Variants in LINC00632 observed in about 807,000 individuals in gnomAD.
The protein encoded by LINC00632 is long independently transcribed non-coding RNA 632.
chrX:140,742,894 A>AGGAG (rs1931257478), intron 3 of LINC00632, among the ~76,000 whole-genome samples: 1 of 101,639 alleles, frequency 9.8e-6, no homozygotes, highest in Admixed American at 1.1e-4. Flanking sequence ...GAAGGAAGGA[A>AGGAG]GGAAAGGAAA....
intron 2 of LINC00632, among the ~76,000 whole-genome samples, chrX:140,733,128 C>G (rs1432117290): frequency 1.8e-5 from 2 of 112,332 alleles, no homozygotes; most frequent in African/African-American, 6.5e-5. Context: ...TTATCAAGCT[C>G]CTGCTAAATA....
intron 2 of LINC00632, among the ~76,000 whole-genome samples, chrX:140,718,343 A>T (rs1930670737): frequency 9.1e-6 from 1 of 109,522 alleles, no homozygotes; most frequent in Middle Eastern, 4.2e-3. Context: ...AAAGCACAGA[A>T]TTGCATCATA....
At position 140,761,616 on chromosome X, in the gene LINC00632, C is replaced by T. The variant is rs187049666; in HGVS notation, n.192-10462C>T. On this transcript the variant is annotated intron_variant and non_coding_transcript_variant, in intron 3 of 4. Coordinates refer to ENST00000648200, the Ensembl canonical transcript of LINC00632. ...GAAAAGGATTTAGGGTAGCTAGTAG[C>T]AGGCATTCTGCCAGGAGTCTCACAG... Among the ~76,000 whole-genome samples, 3 of 113,014 alleles carry T rather than the reference C, an allele frequency of 2.7e-5. No individual in the cohort carries two copies. The East Asian group carries it at 8.3e-4, about 31-fold the overall frequency.
At chrX:140,748,783 GAT>G (rs1421029407) in intron 3 of LINC00632, among the ~76,000 whole-genome samples, 2 of 102,660 alleles carry the variant, frequency 1.9e-5, no homozygotes, top group African/African-American at 7.1e-5. Context: ...AATAAAATAT[GAT>G]ATATATATTT....
At chrX:140,761,136 CT>C (rs58157384) in intron 3 of LINC00632, among the ~76,000 whole-genome samples, 41,964 of 111,228 alleles carry the variant, frequency 0.38, 6,206 homozygotes, top group East Asian at 0.72. Flanking sequence ...TGCATTTACC[CT>C]CCTTGTAGTT....
At chrX:140,729,800 G>GA (rs958678652) in intron 2 of LINC00632, among the ~76,000 whole-genome samples, 12 of 108,130 alleles carry the variant, frequency 1.1e-4, no homozygotes. Flanking sequence ...GGAGAAAAAA[G>GA]AAAAAATATA....
At chrX:140,776,389 G>A (rs1931871265) in exon 5 of LINC00632, among the ~76,000 whole-genome samples, 1 of 112,798 alleles carries the variant, frequency 8.9e-6, no homozygotes, top group African/African-American at 3.2e-5. Flanking sequence ...GAGTAGCAGA[G>A]CAGATTCCTC....
exon 5 of LINC00632, chrX:140,784,592 A>G (rs1244388215): frequency 8.8e-6 from 4 of 453,937 alleles, no homozygotes; most frequent in Non-Finnish European, 1.6e-5. Flanking sequence ...CTCAATATCC[A>G]TGTCTTCCAA....
intron 3 of LINC00632, among the ~76,000 whole-genome samples, chrX:140,769,481 C>A (rs111939648): frequency 9.1e-6 from 1 of 109,423 alleles, no homozygotes; most frequent in African/African-American, 3.3e-5. Context: ...CCACCCCACC[C>A]CCCCCATGAA....
intron 2 of LINC00632, among the ~76,000 whole-genome samples, chrX:140,720,320 A>G (rs745695824): frequency 9.0e-6 from 1 of 111,170 alleles, no homozygotes; most frequent in African/African-American, 3.3e-5. Context: ...AGGCCTGGAC[A>G]TACCCCACTT....
At chrX:140,770,541 C>T (rs1353663480) in intron 3 of LINC00632, among the ~76,000 whole-genome samples, 3 of 111,995 alleles carry the variant, frequency 2.7e-5, no homozygotes, top group South Asian at 3.7e-4. Flanking sequence ...CATCTCAAAA[C>T]AACAACATAA....
chrX:140,759,332 CCTTCCTTCCTTCCTTTCTTTCTTT>C (rs1229764670), intron 3 of LINC00632, among the ~76,000 whole-genome samples: 2 of 54,269 alleles, frequency 3.7e-5, no homozygotes, highest in African/African-American at 5.2e-5. Context: ...TTCCTTCCTT[CCTTCCTTCCTTCCTTTCTTTCTTT>C]CTTTCTTTCT....
chrX:140,734,754 T>C (rs1427154049), intron 3 of LINC00632, among the ~76,000 whole-genome samples: 2 of 94,340 alleles, frequency 2.1e-5, no homozygotes, highest in African/African-American at 8.3e-5. Context: ...TGGTTGGAAA[T>C]ACATCTTTTT....
intron 2 of LINC00632, chrX:140,733,806 C>T (rs1423240678): frequency 8.9e-6 from 1 of 112,444 alleles, no homozygotes; most frequent in Non-Finnish European, 1.9e-5. Flanking sequence ...AATGGAAAGA[C>T]CTGAAACAAA....
At chrX:140,722,576 A>G (rs1930747898) in intron 2 of LINC00632, among the ~76,000 whole-genome samples, 2 of 110,656 alleles carry the variant, frequency 1.8e-5, no homozygotes, top group African/African-American at 6.6e-5. Context: ...ACATACATAA[A>G]TATCACCCGG....
At chrX:140,737,563 C>T (rs950379935) in intron 3 of LINC00632, among the ~76,000 whole-genome samples, 2 of 111,351 alleles carry the variant, frequency 1.8e-5, no homozygotes, top group South Asian at 3.8e-4. Flanking sequence ...GAACTTATTC[C>T]TTCTATTTAA....
exon 5 of LINC00632, among the ~76,000 whole-genome samples, chrX:140,791,349 G>T: frequency 8.9e-6 from 1 of 111,791 alleles, no homozygotes; most frequent in African/African-American, 3.2e-5. Flanking sequence ...AACTGATTTG[G>T]TAATGGTGTT....
intron 3 of LINC00632, among the ~76,000 whole-genome samples, chrX:140,739,245 G>GT (rs1456149967): frequency 1.8e-5 from 2 of 110,170 alleles, no homozygotes; most frequent in African/African-American, 6.6e-5. Context: ...TTGAGATGGA[G>GT]TTTCGCTCTT....
At chrX:140,753,764 C>CT (rs1931447041) in intron 3 of LINC00632, among the ~76,000 whole-genome samples, 1 of 75,447 alleles carries the variant, frequency 1.3e-5, no homozygotes, top group African/African-American at 5.6e-5. Flanking sequence ...TTCTTTCTTT[C>CT]TTTCTTTTTT....
Sources: gnomAD v4.1 joint callset for allele counts (sites outside exome capture counted in the v4.1 genomes callset) on GRCh38, gnomAD v4.1.1 for gene constraint, MANE v1.5 for transcripts, NCBI Gene and HGNC (gene_info 2026-07-23, HGNC 2026-07-21) for gene names.